The following MATN2 variants were observed in gnomAD, a reference collection of about 807,000 sequenced individuals.
MATN2 encodes the protein matrilin 2.
Under a neutral mutation model 103.2 loss-of-function variants are expected in MATN2, and 69 were observed. The observed-to-expected ratio is 0.67, with a 90% CI of 0.55 to 0.82. MATN2 has a LOEUF of 0.82. MATN2 is among the 40% of genes least tolerant of loss of function. The pLI is 0.00. For missense variants in MATN2, 1,023 were observed against 1,211.5 expected (o/e 0.84, Z 2.31); for synonymous variants, 429 against 450.2 (o/e 0.95, Z 0.60).
chr8:98,007,283 A>G lies in MATN2; in HGVS notation c.1450+56A>G, dbSNP rs2130389005. 1.9e-6 allele frequency: 3 copies of G among 1,609,238 alleles called. No individual in the cohort carries two copies. The highest frequency in any genetic ancestry group is 1.7e-6 in the Non-Finnish European group (2 of 1,177,040). ...AAGGTTTGCACCAGGAGTGAAACCTATGTGACTGCAGAGGGCACAGGTTGT... is the reference window on the plus strand; with the variant it reads ...AAGGTTTGCACCAGGAGTGAAACCTGTGTGACTGCAGAGGGCACAGGTTGT... On this transcript the variant is annotated intron_variant, in intron 9 of 18. Transcript: ENST00000254898. The surrounding 1 kb of genome is among the most constrained non-coding windows in gnomAD (Gnocchi z 4.2).
intron 1 of MATN2, among the ~76,000 whole-genome samples, chr8:97,883,284 C>CAA (rs149466404): frequency 8.7e-6 from 1 of 115,182 alleles, no homozygotes; most frequent in African/African-American, 3.3e-5. Context: ...GACTCTGTCT[C>CAA]AAAAAAAAAA....
intron 5 of MATN2, among the ~76,000 whole-genome samples, chr8:97,976,996 G>A (rs936306398): frequency 2.6e-5 from 4 of 152,068 alleles, no homozygotes; most frequent in Non-Finnish European, 5.9e-5. Flanking sequence ...ACTTTGGGAG[G>A]AGGCTGAGGC....
At chr8:97,947,784 C>CA (rs1563685127) in intron 4 of MATN2, among the ~76,000 whole-genome samples, 1 of 151,954 alleles carries the variant, frequency 6.6e-6, no homozygotes, top group Admixed American at 6.6e-5. Context: ...CATGAACATG[C>CA]AAAAAAACTA....
At chr8:98,010,587 C>A (rs181202518) in intron 10 of MATN2, among the ~76,000 whole-genome samples, 119 of 152,270 alleles carry the variant, frequency 7.8e-4, no homozygotes, top group African/African-American at 2.6e-3. Context: ...CCTCTCTCCC[C>A]TCCCAGCATC....
intron 6 of MATN2, among the ~76,000 whole-genome samples, chr8:97,994,056 GAAAGAAAGAAAGAAAGAA>G (rs1185198835): frequency 3.7e-5 from 5 of 134,562 alleles, no homozygotes; most frequent in African/African-American, 1.4e-4. Flanking sequence ...AAGGAAGAGA[GAAAGAAAGAAAGAAAGAA>G]AAAGAAAGAA....
At chr8:97,877,660 C>T (rs942020127) in intron 1 of MATN2, among the ~76,000 whole-genome samples, 3 of 151,952 alleles carry the variant, frequency 2.0e-5, no homozygotes, top group African/African-American at 7.3e-5. Flanking sequence ...ACCCATATCT[C>T]AGTTGTCATA....
At chr8:97,980,149 G>A (rs1473141362) in intron 6 of MATN2, among the ~76,000 whole-genome samples, 1 of 152,214 alleles carries the variant, frequency 6.6e-6, no homozygotes, top group Non-Finnish European at 1.5e-5. Context: ...TGAGGTGGGG[G>A]TTCCAGGAGA....
chr8:97,902,069 C>G (rs901003358), intron 2 of MATN2, among the ~76,000 whole-genome samples: 1 of 151,862 alleles, frequency 6.6e-6, no homozygotes, highest in Non-Finnish European at 1.5e-5. Flanking sequence ...CACTATGTTG[C>G]CCAGGCTGGT....
chr8:98,022,037 G>A (rs2130430626), intron 13 of MATN2, among the ~76,000 whole-genome samples: 1 of 152,276 alleles, frequency 6.6e-6, no homozygotes, highest in South Asian at 2.1e-4. Context: ...TGTTTACAAA[G>A]CCATGTATAC....
intron 1 of MATN2, among the ~76,000 whole-genome samples, chr8:97,876,702 A>G (rs1381645509): frequency 6.6e-6 from 1 of 151,996 alleles, no homozygotes; most frequent in Non-Finnish European, 1.5e-5. Context: ...CATGACATAA[A>G]CCCATGTGTA....
chr8:98,032,128 C>A, intron 15 of MATN2, 118 bp from the exon 16 acceptor site: 1 of 750,604 alleles, frequency 1.3e-6, no homozygotes, highest in Non-Finnish European at 2.2e-6. Flanking sequence ...CCAAACAAAA[C>A]TAAAAAACCT....
intron 2 of MATN2, among the ~76,000 whole-genome samples, chr8:97,908,674 C>G (rs1339758323): frequency 6.6e-6 from 1 of 152,198 alleles, no homozygotes; most frequent in Non-Finnish European, 1.5e-5. Context: ...CTTTGCCACC[C>G]AGACTGGAGT....
chr8:98,002,009 G>T (rs1812803773), intron 7 of MATN2, among the ~76,000 whole-genome samples: 2 of 152,160 alleles, frequency 1.3e-5, no homozygotes, highest in African/African-American at 2.4e-5. Flanking sequence ...AAAGAACAAT[G>T]CTGTGCAGTT....
At chr8:97,940,391 T>A (rs1810513624) in intron 3 of MATN2, among the ~76,000 whole-genome samples, 1 of 152,228 alleles carries the variant, frequency 6.6e-6, no homozygotes, top group Non-Finnish European at 1.5e-5. Flanking sequence ...AATGACTGAT[T>A]GGATCTACAA....
intron 6 of MATN2, among the ~76,000 whole-genome samples, chr8:97,989,130 T>C (rs1245382813): frequency 6.6e-6 from 1 of 152,200 alleles, no homozygotes; most frequent in Admixed American, 6.5e-5. Context: ...AGGCATTGGA[T>C]AAGATCTGAC....
At chr8:97,881,913 CTTTTTTTTTTTTT>C (rs34704905) in intron 1 of MATN2, among the ~76,000 whole-genome samples, 3 of 84,090 alleles carry the variant, frequency 3.6e-5, no homozygotes, top group Non-Finnish European at 6.4e-5. Context: ...TATTACTTAT[CTTTTTTTTTTTTT>C]TTTTTTTTTT....
chr8:98,033,768 A>C, intron 18 of MATN2, 109 bp downstream of exon 18: 2 of 768,902 alleles, frequency 2.6e-6, no homozygotes, highest in Non-Finnish European at 4.2e-6. Context: ...CGAAGTCACA[A>C]AGAACAGTGA....
At chr8:97,944,815 G>A (rs944074757) in intron 4 of MATN2, among the ~76,000 whole-genome samples, 3 of 152,132 alleles carry the variant, frequency 2.0e-5, no homozygotes, top group Non-Finnish European at 2.9e-5. Context: ...TGGAGAGGAG[G>A]CATGTACTCC....
At chr8:97,954,013 T>C (rs1751890949) in intron 4 of MATN2, among the ~76,000 whole-genome samples, 1 of 152,152 alleles carries the variant, frequency 6.6e-6, no homozygotes, top group African/African-American at 2.4e-5. Context: ...GTGAGACAGA[T>C]GCTTTGCCCA....
Sources: gnomAD v4.1 joint callset for allele counts (sites outside exome capture counted in the v4.1 genomes callset) on GRCh38, gnomAD v4.1.1 for gene constraint, Gnocchi (gnomAD v3.1) non-coding constraint, MANE v1.5 for transcripts, NCBI Gene and HGNC (gene_info 2026-07-23, HGNC 2026-07-21) for gene names.